PKD1L1: variants seen among roughly 807,000 people sequenced by gnomAD.
PKD1L1 encodes polycystin 1 like 1, transient receptor potential channel interacting.
In PKD1L1, 236 loss-of-function variants were observed where a neutral mutation model predicts 323.4. The ratio of observed to expected loss-of-function variants is 0.73; its 90% CI spans 0.66 to 0.81. The LOEUF is 0.81. PKD1L1 is among the 40% of genes least tolerant of loss of function. The probability of loss-of-function intolerance (pLI) is 0.00; values close to 1 mark genes in which losing one functional copy is unlikely to be tolerated. For synonymous variants in PKD1L1, 1,344 were observed against 1,335.0 expected (o/e 1.01, Z -0.15); for missense variants, 3,320 against 3,508.0 (o/e 0.95, Z 1.35).
intron 36 of PKD1L1, 72 bp from the exon 37 acceptor site, chr7:47,837,166 CA>C: frequency 6.5e-7 from 1 of 1,529,328 alleles, no homozygotes; most frequent in Admixed American, 1.8e-5. Flanking sequence ...TACTGTTAAG[CA>C]GTGATCTTCT....
intron 37 of PKD1L1, among the ~76,000 whole-genome samples, chr7:47,835,560 C>A (rs1308686199): frequency 6.6e-6 from 1 of 152,038 alleles, no homozygotes; most frequent in Non-Finnish European, 1.5e-5. Flanking sequence ...ACCACCACGC[C>A]CAGCTAATTT....
intron 28 of PKD1L1, among the ~76,000 whole-genome samples, chr7:47,855,926 T>C (rs1246684623): frequency 7.1e-6 from 1 of 141,580 alleles, no homozygotes; most frequent in Non-Finnish European, 1.5e-5. Context: ...GAGTGAAGAA[T>C]AGCTATTCTA....
At chr7:47,790,708 AT>A (rs1293583988) in intron 56 of PKD1L1, among the ~76,000 whole-genome samples, 1 of 151,958 alleles carries the variant, frequency 6.6e-6, no homozygotes, top group African/African-American at 2.4e-5. Flanking sequence ...CAGTAGGATT[AT>A]CTTTTTTTAA....
At chr7:47,948,347 A>T in intron 1 of PKD1L1, 50 bp downstream of exon 1, 2 of 1,604,878 alleles carry the variant, frequency 1.2e-6, no homozygotes, top group Non-Finnish European at 1.7e-6. Context: ...TTCTGAATGC[A>T]TACTTTAAAA....
In PKD1L1 at chr7:47,884,626, T is replaced by C; in HGVS notation, c.3237A>G (p.Glu1079=). 6.2e-7 allele frequency: 1 copy of C among 1,614,030 alleles called. No homozygotes were observed. Residue 1079 remains glutamate (E), a synonymous_variant, in exon 19 of 57, where the codon GAA becomes GAG. Coordinates refer to ENST00000289672, the MANE Select transcript of PKD1L1 (RefSeq NM_138295.5). ...GCTGTCTTCCTCCCGATGGTATTGC[T>C]TCTTGAATGTCACTGTAATAGGCTT... ...DFEAYYSDIQ[E]AIPSGGRQPA... is the part of the protein sequence containing the mutation.
chr7:47,854,822 A>C lies in PKD1L1; in HGVS notation c.4859+60T>G. On this transcript the variant is annotated intron_variant, in intron 30 of 56. Transcript: ENST00000289672. ...TAATTCACTGATTTTTTGTCACAAAACATTCTTAAGGACAATATGTCTTAC... is the reference window on the plus strand; with the variant it reads ...TAATTCACTGATTTTTTGTCACAAACCATTCTTAAGGACAATATGTCTTAC... The C allele has an allele frequency of 3.2e-6, 5 of 1,549,490 alleles. No individual in the cohort carries two copies. The South Asian group carries it at 6.0e-5, about 19-fold the overall frequency.
rs1785818507 is a variant in PKD1L1, at chr7:47,853,151, A to G, written c.4936T>C (p.Tyr1646His). 1 of 1,613,144 alleles carries G rather than the reference A, an allele frequency of 6.2e-7. No homozygotes were observed. Among genetic ancestry groups the G allele is most frequent in the Non-Finnish European group, 8.5e-7 (1 of 1,179,196 alleles). ...CCTTTCTGAGAAGCAGCAGGTATAT[A>G]AATCTGCACAATTGACTCATCCCAG... ...YFWDESIVQI[Y>H]IPAASQKDAS... is the part of the protein sequence containing the mutation. The change falls in exon 31 of 57, where the codon TAT becomes CAT. Residue 1646 changes from tyrosine (Y) to histidine (H), a missense_variant. Tyr to His is a moderately conservative substitution (Grantham distance 83). Coordinates refer to ENST00000289672, the MANE Select transcript of PKD1L1 (RefSeq NM_138295.5).
chr7:47,873,878 G>A, intron 24 of PKD1L1, 21 bp downstream of exon 24: 1 of 1,561,478 alleles, frequency 6.4e-7, no homozygotes, highest in Non-Finnish European at 8.8e-7. Flanking sequence ...TAGGATGTCT[G>A]TGTGGCATTG....
chr7:47,793,173 A>G (rs1344873551), intron 55 of PKD1L1, among the ~76,000 whole-genome samples: 1 of 152,142 alleles, frequency 6.6e-6, no homozygotes, highest in African/African-American at 2.4e-5. Flanking sequence ...TAAGGCAATA[A>G]TGGATGGGGA....
In PKD1L1 at chr7:47,846,923, A is replaced by AT; in HGVS notation, c.5108_5109insA (p.Ser1705LeufsTer9). 1 of 1,613,528 alleles carries AT rather than the reference A, an allele frequency of 6.2e-7. No homozygotes were observed. The highest frequency in any genetic ancestry group is 8.5e-7 in the Non-Finnish European group (1 of 1,179,820). On this transcript the variant is annotated frameshift_variant, in exon 32 of 57. Coordinates refer to ENST00000289672, the MANE Select transcript of PKD1L1 (RefSeq NM_138295.5). LOFTEE classifies it high-confidence loss of function. ...GAGAAGTCCCTGGTTGTGGAGAGAA[A>AT]CGTTCAGATTTCCACTCTCTCTTGT...
chr7:47,842,882 A>G (rs2128738582), intron 34 of PKD1L1, 80 bp downstream of exon 34: 1 of 1,343,962 alleles, frequency 7.4e-7, no homozygotes, highest in East Asian at 2.3e-5. Flanking sequence ...CAGACGGGGC[A>G]GCCAAATCAC....
intron 28 of PKD1L1, among the ~76,000 whole-genome samples, chr7:47,855,651 C>A (rs372251119): frequency 1.0e-5 from 1 of 97,280 alleles, no homozygotes; most frequent in East Asian, 2.1e-4. Flanking sequence ...CCGAGGCGGG[C>A]GGATCACGAG....
Position 47,829,459 on chromosome 7 carries a change from C to A in PKD1L1, c.6701G>T (p.Cys2234Phe). Residue 2234 changes from cysteine (C) to phenylalanine (F), a missense_variant, in exon 44 of 57, where the codon TGC (cysteine) becomes TTC (phenylalanine). Physicochemically the swap from Cys to Phe is radical, Grantham distance 205 (BLOSUM62 -2). Coordinates refer to ENST00000289672, the MANE Select transcript of PKD1L1 (RefSeq NM_138295.5). Reference sequence around the variant, plus strand: ...CTCGCCTGCACAGTCAGGAATACTGCAGCTTGAAGAGAAGGGGAGGCGAGT... The same window carrying A: ...CTCGCCTGCACAGTCAGGAATACTGAAGCTTGAAGAGAAGGGGAGGCGAGT... The part of the protein sequence containing the change: ...SWTRLPFSSS[C>F]SIPDCAGEVE... 1 of 1,613,878 alleles carries A rather than the reference C, an allele frequency of 6.2e-7. No individual in the cohort carries two copies. The highest frequency in any genetic ancestry group is 8.5e-7 in the Non-Finnish European group (1 of 1,179,938).
At chr7:47,776,523 C>G (rs1786572530) in intron 56 of PKD1L1, among the ~76,000 whole-genome samples, 1 of 152,228 alleles carries the variant, frequency 6.6e-6, no homozygotes, top group Admixed American at 6.5e-5. Flanking sequence ...CGCATCTCCA[C>G]ACCTGTTTGC....
intron 34 of PKD1L1, among the ~76,000 whole-genome samples, chr7:47,841,934 C>T (rs1400228394): frequency 6.6e-6 from 1 of 152,192 alleles, no homozygotes; most frequent in African/African-American, 2.4e-5. Flanking sequence ...AGTGAAGATG[C>T]TTCTTCATTT....
At chr7:47,805,081 AC>A (rs1727029859) in intron 52 of PKD1L1, among the ~76,000 whole-genome samples, 1 of 67,882 alleles carries the variant, frequency 1.5e-5, no homozygotes, top group Non-Finnish European at 2.9e-5. Context: ...ATGTGCCTGT[AC>A]AAATACACAC....
At chr7:47,864,788 G>C (rs985087464) in intron 26 of PKD1L1, among the ~76,000 whole-genome samples, 9 of 147,322 alleles carry the variant, frequency 6.1e-5, no homozygotes, top group Non-Finnish European at 1.5e-5. Context: ...GCGCGATCTC[G>C]GCTCACTGCA....
intron 52 of PKD1L1, 30 bp from the exon 53 acceptor site, chr7:47,803,374 G>T: frequency 1.2e-6 from 2 of 1,611,312 alleles, no homozygotes; most frequent in Non-Finnish European, 1.7e-6. Flanking sequence ...CAGTCAGTGT[G>T]CCATGCCAGT....
At chr7:47,847,768 C>T (rs2128739791) in intron 31 of PKD1L1, among the ~76,000 whole-genome samples, 1 of 152,116 alleles carries the variant, frequency 6.6e-6, no homozygotes, top group Non-Finnish European at 1.5e-5. Flanking sequence ...AAACAAACTG[C>T]ACAAGTACTG....
Sources: allele counts gnomAD v4.1 joint callset (sites outside exome capture counted in the v4.1 genomes callset), GRCh38; gene constraint gnomAD v4.1.1; transcripts MANE v1.5; gene names NCBI Gene and HGNC (gene_info 2026-07-23, HGNC 2026-07-21).